SYN3: variants seen among roughly 807,000 people sequenced by gnomAD.
The protein encoded by SYN3 is synapsin III, also known as synapsin-3.
A neutral mutation model predicts 65.8 loss-of-function variants in SYN3; 35 were observed. The ratio of observed to expected loss-of-function variants is 0.53; its 90% confidence interval spans 0.41 to 0.70. The LOEUF (loss-of-function observed/expected upper bound fraction) is 0.70. SYN3 is among the 30% of genes least tolerant of loss of function. SYN3 has a pLI of 0.00. For synonymous variants in SYN3, 270 were observed against 292.9 expected (o/e 0.92, Z 0.80); for missense variants, 680 against 749.0 (o/e 0.91, Z 1.08).
chr22:32,865,837 G>A (rs923128885), intron 5 of SYN3, among the ~76,000 whole-genome samples: 68 of 152,208 alleles, frequency 4.5e-4, no homozygotes, highest in African/African-American at 1.5e-3. Flanking sequence ...TATCTTGCTG[G>A]AGGGAAGCAT....
intron 6 of SYN3, among the ~76,000 whole-genome samples, chr22:32,666,189 C>A (rs2060287363): frequency 6.6e-6 from 1 of 152,218 alleles, no homozygotes; most frequent in Admixed American, 6.5e-5. Flanking sequence ...CTGCATTATG[C>A]CAGTAATCTT....
intron 6 of SYN3, among the ~76,000 whole-genome samples, chr22:32,696,296 A>G (rs893839386): frequency 3.9e-5 from 6 of 152,170 alleles, no homozygotes; most frequent in Non-Finnish European, 8.8e-5. Flanking sequence ...AGCTTTGAGA[A>G]CTCATCACAT....
chr22:32,718,805 C>T (rs1433796057), intron 6 of SYN3, among the ~76,000 whole-genome samples: 3 of 152,190 alleles, frequency 2.0e-5, no homozygotes, highest in Non-Finnish European at 4.4e-5. Context: ...TGACTGATCA[C>T]ACCCTTACAG....
intron 6 of SYN3, among the ~76,000 whole-genome samples, chr22:32,631,800 C>T (rs1184281935): frequency 6.6e-6 from 1 of 152,160 alleles, no homozygotes; most frequent in Non-Finnish European, 1.5e-5. Flanking sequence ...GAGTAACTTG[C>T]CCAAAGTAAT....
intron 2 of SYN3, among the ~76,000 whole-genome samples, 175 bp from the exon 3 acceptor site, chr22:32,980,877 G>A (rs1367074470): frequency 2.0e-5 from 3 of 151,014 alleles, no homozygotes; most frequent in African/African-American, 4.9e-5. Context: ...CTTTTGAGAC[G>A]GAGTTTCACT....
At chr22:32,952,457 T>G (rs910602075) in intron 3 of SYN3, among the ~76,000 whole-genome samples, 7 of 152,202 alleles carry the variant, frequency 4.6e-5, no homozygotes, top group Admixed American at 2.0e-4. Flanking sequence ...TTTGCCACAT[T>G]GTATTTGAAA....
intron 6 of SYN3, among the ~76,000 whole-genome samples, chr22:32,696,791 A>G (rs1376713656): frequency 6.6e-6 from 1 of 152,066 alleles, no homozygotes; most frequent in Non-Finnish European, 1.5e-5. Flanking sequence ...GAAAGGAGGA[A>G]TTGTCAGGAT....
chr22:32,603,331 T>G (rs1457601722), intron 6 of SYN3, among the ~76,000 whole-genome samples: 5 of 139,230 alleles, frequency 3.6e-5, no homozygotes, highest in Admixed American at 7.4e-5. Context: ...GCTAACATGG[T>G]GAAATCCCAT....
chr22:33,054,036 C>A (rs1441188879), intron 1 of SYN3, among the ~76,000 whole-genome samples: 1 of 152,148 alleles, frequency 6.6e-6, no homozygotes, highest in Non-Finnish European at 1.5e-5. Flanking sequence ...CGTTTGGACA[C>A]GGGAGAGGGG....
intron 7 of SYN3, among the ~76,000 whole-genome samples, chr22:32,544,985 ACT>A (rs1400930541): frequency 6.6e-6 from 1 of 151,476 alleles, no homozygotes; most frequent in Non-Finnish European, 1.5e-5. Context: ...TACACTTTAC[ACT>A]CTCTCCTCTC....
At chr22:32,943,566 C>T (rs2051007407) in intron 3 of SYN3, among the ~76,000 whole-genome samples, 1 of 152,156 alleles carries the variant, frequency 6.6e-6, no homozygotes, top group Non-Finnish European at 1.5e-5. Flanking sequence ...CAGCTAACAT[C>T]ATAATGACAG....
intron 7 of SYN3, among the ~76,000 whole-genome samples, chr22:32,549,962 G>A: frequency 6.6e-6 from 1 of 152,064 alleles, no homozygotes; most frequent in Non-Finnish European, 1.5e-5. Flanking sequence ...AGGGAAGCGG[G>A]AGGTGACGGG....
At chr22:32,526,093 G>A (rs190741300) in intron 12 of SYN3, among the ~76,000 whole-genome samples, 2 of 152,148 alleles carry the variant, frequency 1.3e-5, no homozygotes, top group Admixed American at 6.5e-5. Context: ...TATCATTAAG[G>A]TATGTACTTT....
At chr22:32,544,184 C>T (rs982676370) in intron 7 of SYN3, among the ~76,000 whole-genome samples, 11 of 152,182 alleles carry the variant, frequency 7.2e-5, no homozygotes, top group Non-Finnish European at 1.0e-4. Flanking sequence ...GCGATCTTTC[C>T]GCCTCGGCCT....
In SYN3 at chr22:32,556,810, T is replaced by G. The variant is rs1452949951; in HGVS notation, c.775-15097A>C. ...CCAATCTATAGGTTTCCTGGTTTTT[T>G]TTTTTTTTTTTTTTTTTTTTTTTTT... is the stretch of plus-strand genomic sequence containing the variant. On this transcript the variant is annotated intron_variant, in intron 7 of 13. Transcript: ENST00000358763. 2.1e-4 allele frequency among the ~76,000 whole-genome samples: 21 copies of G among 101,922 alleles called. 4 individuals carry two copies. The highest frequency in any genetic ancestry group is 4.1e-4 in the African/African-American group (11 of 26,670). 66.9% of individuals were successfully genotyped at this position (101,922 alleles called of 152,430 possible).
At chr22:32,911,960 C>T (rs1043025871) in intron 4 of SYN3, among the ~76,000 whole-genome samples, 6 of 152,192 alleles carry the variant, frequency 3.9e-5, no homozygotes, top group Admixed American at 3.3e-4. Context: ...ATCAACTCCA[C>T]CCTCATAAGC....
intron 6 of SYN3, among the ~76,000 whole-genome samples, chr22:32,607,455 C>A (rs2095916879): frequency 6.6e-6 from 1 of 152,166 alleles, no homozygotes; most frequent in South Asian, 2.1e-4. Flanking sequence ...CTGCCTTCTT[C>A]ATCCTTATAC....
chr22:32,678,609 TTTCTTCCTC>T (rs1361373790), intron 6 of SYN3, among the ~76,000 whole-genome samples: 1 of 151,426 alleles, frequency 6.6e-6, no homozygotes, highest in Non-Finnish European at 1.5e-5. Flanking sequence ...CTTCTCCTTC[TTTCTTCCTC>T]TTCTTCCTCT....
At chr22:32,998,797 A>AAAAAAAAAAAAT (rs2052972973) in intron 2 of SYN3, among the ~76,000 whole-genome samples, 1 of 149,622 alleles carries the variant, frequency 6.7e-6, no homozygotes, top group Non-Finnish European at 1.5e-5. Context: ...AAAAAAAAAA[A>AAAAAAAAAAAAT]AACAAAAGTC....
Sources: allele counts gnomAD v4.1 joint callset (sites outside exome capture counted in the v4.1 genomes callset), GRCh38; gene constraint gnomAD v4.1.1; transcripts MANE v1.5; gene names NCBI Gene and HGNC (gene_info 2026-07-23, HGNC 2026-07-21).